The following GRIA2 variants were observed in gnomAD, a reference collection of about 807,000 sequenced individuals.
GRIA2 encodes glutamate receptor 2.
A neutral mutation model predicts 97.3 loss-of-function variants in GRIA2; 14 were observed. The observed-to-expected ratio is 0.14, with a 90% confidence interval of 0.10 to 0.23. GRIA2 has a LOEUF of 0.23. Ranked by LOEUF, GRIA2 falls within the 10% of genes least tolerant of loss-of-function variation. The pLI, the probability that GRIA2 is intolerant of heterozygous loss-of-function variation, is 1.00. For synonymous variants in GRIA2, 412 were observed against 387.8 expected (o/e 1.06, Z -0.73); for missense variants, 558 against 1,069.8 (o/e 0.52, Z 6.67).
intron 2 of GRIA2, among the ~76,000 whole-genome samples, chr4:157,260,060 A>G (rs1397693229): frequency 6.6e-6 from 1 of 152,110 alleles, no homozygotes; most frequent in African/African-American, 2.4e-5. Context: ...TGTAAAGACA[A>G]TTCCTTATGA....
intron 2 of GRIA2, among the ~76,000 whole-genome samples, chr4:157,293,453 G>T (rs1293191528): frequency 2.0e-5 from 3 of 152,044 alleles, no homozygotes; most frequent in African/African-American, 7.2e-5. Flanking sequence ...ATTGTTCTGT[G>T]GTGTCCTTAA....
At chr4:157,327,118 A>T (rs1734838308) in intron 6 of GRIA2, among the ~76,000 whole-genome samples, 1 of 152,300 alleles carries the variant, frequency 6.6e-6, no homozygotes, top group South Asian at 2.1e-4. Flanking sequence ...ATACTGATAT[A>T]AATTCAGTCA....
At chr4:157,248,072 A>C (rs1454594184) in intron 2 of GRIA2, among the ~76,000 whole-genome samples, 6 of 151,492 alleles carry the variant, frequency 4.0e-5, no homozygotes, top group Non-Finnish European at 8.8e-5. Flanking sequence ...TATATATATA[A>C]TCATATCATA....
intron 2 of GRIA2, among the ~76,000 whole-genome samples, chr4:157,257,301 A>C (rs2126758990): frequency 1.3e-5 from 2 of 152,146 alleles, no homozygotes; most frequent in South Asian, 2.1e-4. Context: ...TCCAATATTT[A>C]ATCGCCCTCT....
At position 157,363,059 on chromosome 4, in the gene GRIA2, GCTC is replaced by G; in HGVS notation, c.*3+13_*3+15del. ...TTAAAATTTAGGGGGTAGGAACGAG[GCTC>G]TAATACAAACTTTTTAGTGCACGTT... On this transcript the variant is annotated intron_variant, in intron 15 of 15. Transcript: ENST00000264426. The G allele has an allele frequency of 6.3e-7, 1 of 1,594,820 alleles. No homozygotes were observed. Among genetic ancestry groups the G allele is most frequent in the South Asian group, 1.1e-5 (1 of 88,856 alleles).
chr4:157,284,837 G>C (rs1336744416), intron 2 of GRIA2, among the ~76,000 whole-genome samples: 1 of 151,602 alleles, frequency 6.6e-6, no homozygotes, highest in African/African-American at 2.4e-5. Flanking sequence ...ATATACTCCA[G>C]TGCCTGGTGG....
intron 2 of GRIA2, among the ~76,000 whole-genome samples, chr4:157,274,488 G>A (rs1245620279): frequency 6.6e-6 from 1 of 151,368 alleles, no homozygotes; most frequent in African/African-American, 2.4e-5. Flanking sequence ...TTTAGCATTA[G>A]GTGTATCTCC....
chr4:157,291,942 G>A (rs1733123900), intron 2 of GRIA2, among the ~76,000 whole-genome samples: 1 of 151,882 alleles, frequency 6.6e-6, no homozygotes, highest in Non-Finnish European at 1.5e-5. Context: ...TCATCTGACA[G>A]TAATATAAGA....
At chr4:157,242,489 G>T (rs1465754496) in intron 2 of GRIA2, among the ~76,000 whole-genome samples, 5 of 151,986 alleles carry the variant, frequency 3.3e-5, no homozygotes. Flanking sequence ...AATATTTTTT[G>T]ATGAAATTGA....
At chr4:157,326,167 T>G (rs1374410240) in intron 6 of GRIA2, among the ~76,000 whole-genome samples, 1 of 152,144 alleles carries the variant, frequency 6.6e-6, no homozygotes, top group African/African-American at 2.4e-5. Context: ...TTTTCTTGAC[T>G]GTTGTCCCCT....
At chr4:157,310,344 A>G (rs994701709) in intron 3 of GRIA2, among the ~76,000 whole-genome samples, 4 of 152,152 alleles carry the variant, frequency 2.6e-5, no homozygotes, top group Non-Finnish European at 4.4e-5. Context: ...ATTTTGCCAG[A>G]AAAAAAGTTA....
intron 6 of GRIA2, among the ~76,000 whole-genome samples, chr4:157,330,502 A>C (rs1735002289): frequency 6.6e-6 from 1 of 151,728 alleles, no homozygotes; most frequent in African/African-American, 2.4e-5. Context: ...ATCCTCTTTT[A>C]TGTTCATTAA....
intron 11 of GRIA2, among the ~76,000 whole-genome samples, chr4:157,340,949 A>G (rs535577543): frequency 1.4e-4 from 22 of 152,090 alleles, no homozygotes; most frequent in Non-Finnish European, 2.5e-4. Flanking sequence ...GAGTGGATAA[A>G]CTTTTATGAG....
chr4:157,316,281 G>A (rs929495344), intron 4 of GRIA2, among the ~76,000 whole-genome samples: 8 of 152,150 alleles, frequency 5.3e-5, no homozygotes, highest in Middle Eastern at 3.4e-3. Context: ...CCCTTAACAC[G>A]GAGGGTTCAG....
At chr4:157,337,797 A>G (rs1735354125) in intron 11 of GRIA2, among the ~76,000 whole-genome samples, 2 of 151,638 alleles carry the variant, frequency 1.3e-5, no homozygotes, top group African/African-American at 2.4e-5. Flanking sequence ...AAGGAAATAC[A>G]TCATGTAGCC....
chr4:157,260,569 A>G (rs1194125317), intron 2 of GRIA2, among the ~76,000 whole-genome samples: 2 of 152,106 alleles, frequency 1.3e-5, no homozygotes, highest in Non-Finnish European at 2.9e-5. Context: ...TGGAATTTCC[A>G]TATATCACTT....
chr4:157,261,560 A>T (rs1731535716), intron 2 of GRIA2, among the ~76,000 whole-genome samples: 1 of 152,178 alleles, frequency 6.6e-6, no homozygotes, highest in Non-Finnish European at 1.5e-5. Flanking sequence ...TTAGCTAAGA[A>T]ATTGCAGAGA....
At chr4:157,362,712 T>C in intron 14 of GRIA2, 87 bp from the exon 15 acceptor site, 2 of 1,115,904 alleles carry the variant, frequency 1.8e-6, no homozygotes, top group Non-Finnish European at 2.6e-6. Flanking sequence ...ACTAGGTTGT[T>C]CCCGTGATAA....
At chr4:157,241,283 A>C (rs1001457727) in intron 2 of GRIA2, among the ~76,000 whole-genome samples, 2 of 152,116 alleles carry the variant, frequency 1.3e-5, no homozygotes, top group African/African-American at 4.8e-5. Flanking sequence ...ATGTTGTTTG[A>C]GACGCCTAAT....
Sources: gnomAD v4.1 joint callset for allele counts (sites outside exome capture counted in the v4.1 genomes callset) on GRCh38, gnomAD v4.1.1 for gene constraint, MANE v1.5 for transcripts, NCBI Gene and HGNC (gene_info 2026-07-23, HGNC 2026-07-21) for gene names.